Variants in NLGN1 observed in about 807,000 individuals in gnomAD.
The protein encoded by NLGN1 is neuroligin 1.
Under a neutral mutation model 65.5 loss-of-function variants are expected in NLGN1, and 12 were observed. That is an observed-to-expected ratio of 0.18 (90% CI 0.12 to 0.30). The LOEUF (loss-of-function observed/expected upper bound fraction) is 0.30, where lower values mean the gene tolerates loss of function less well. Among genes scored for constraint, NLGN1 ranks in the 10% least tolerant of loss-of-function variants. NLGN1 has a pLI of 1.00. For synonymous variants in NLGN1, 350 were observed against 359.5 expected (o/e 0.97, Z 0.30); for missense variants, 750 against 1,007.1 (o/e 0.74, Z 3.46).
At chr3:173,800,030 T>G (rs1057301667) in intron 3 of NLGN1, among the ~76,000 whole-genome samples, 3 of 149,654 alleles carry the variant, frequency 2.0e-5, no homozygotes, top group Non-Finnish European at 4.5e-5. Context: ...TAAAAGTCTT[T>G]GCTCATGACT....
chr3:173,726,026 A>T (rs1771708361), intron 3 of NLGN1, among the ~76,000 whole-genome samples: 1 of 152,050 alleles, frequency 6.6e-6, no homozygotes, highest in Non-Finnish European at 1.5e-5. Context: ...ATGTAACATA[A>T]ATTATAATAG....
chr3:174,070,926 G>T (rs1313474543), intron 4 of NLGN1, among the ~76,000 whole-genome samples: 1 of 152,074 alleles, frequency 6.6e-6, no homozygotes, highest in Non-Finnish European at 1.5e-5. Context: ...TGTGGTAGAT[G>T]CACATGTGGT....
intron 4 of NLGN1, among the ~76,000 whole-genome samples, chr3:174,150,319 C>T (rs1724091129): frequency 6.6e-6 from 1 of 152,070 alleles, no homozygotes; most frequent in African/African-American, 2.4e-5. Flanking sequence ...TGTTACAAAA[C>T]CACAAATATT....
intron 3 of NLGN1, among the ~76,000 whole-genome samples, chr3:173,789,395 A>G (rs1234894224): frequency 6.6e-6 from 1 of 152,178 alleles, no homozygotes; most frequent in Non-Finnish European, 1.5e-5. Flanking sequence ...CTTAATGCCT[A>G]TTACATTAAA....
intron 4 of NLGN1, among the ~76,000 whole-genome samples, chr3:174,134,005 C>A (rs1252575918): frequency 6.6e-6 from 1 of 151,594 alleles, no homozygotes; most frequent in Non-Finnish European, 1.5e-5. Flanking sequence ...AGCTTTAAAG[C>A]CACTGCTAAT....
intron 3 of NLGN1, among the ~76,000 whole-genome samples, chr3:173,757,905 C>A (rs2150190975): frequency 6.6e-6 from 1 of 152,006 alleles, no homozygotes; most frequent in South Asian, 2.1e-4. Context: ...TATAACAGTG[C>A]CCAAATTTTA....
chr3:173,707,524 T>G (rs566929325), intron 3 of NLGN1, among the ~76,000 whole-genome samples: 1 of 151,978 alleles, frequency 6.6e-6, no homozygotes, highest in African/African-American at 2.4e-5. Context: ...TTATTACAAA[T>G]AAGATTTCTG....
intron 2 of NLGN1, among the ~76,000 whole-genome samples, chr3:173,449,399 C>A (rs1365689416): frequency 2.0e-5 from 3 of 152,058 alleles, no homozygotes; most frequent in Admixed American, 6.5e-5. Flanking sequence ...ATCCTGAGTT[C>A]TAGTTTGATT....
intron 4 of NLGN1, among the ~76,000 whole-genome samples, chr3:173,946,903 T>C (rs899369877): frequency 6.6e-6 from 1 of 152,206 alleles, no homozygotes; most frequent in Non-Finnish European, 1.5e-5. Context: ...GTATCATGTT[T>C]AAGTGAGGGC....
At chr3:173,730,943 C>T (rs111684413) in intron 3 of NLGN1, among the ~76,000 whole-genome samples, 31 of 152,058 alleles carry the variant, frequency 2.0e-4, no homozygotes, top group African/African-American at 5.1e-4. Context: ...AGAAAGCAAA[C>T]GTATCAATCT....
chr3:173,852,307 G>T (rs1274723403), intron 4 of NLGN1, among the ~76,000 whole-genome samples: 12 of 124,578 alleles, frequency 9.6e-5, no homozygotes, highest in Non-Finnish European at 1.9e-4. Context: ...AGTGAGCCGA[G>T]ATCGCGCCAC....
chr3:173,798,009 TAGA>T (rs1330913551), intron 3 of NLGN1, among the ~76,000 whole-genome samples: 4 of 151,976 alleles, frequency 2.6e-5, no homozygotes, highest in Non-Finnish European at 5.9e-5. Context: ...TTGGGTACCC[TAGA>T]AGGGGAAAGA....
intron 4 of NLGN1, among the ~76,000 whole-genome samples, chr3:174,105,027 A>T (rs1374954554): frequency 6.6e-6 from 1 of 152,172 alleles, no homozygotes; most frequent in Non-Finnish European, 1.5e-5. Flanking sequence ...AGCAGCAAAC[A>T]TGGAAAAGAA....
rs930566387 is a variant in NLGN1, at chr3:173,886,546, G to A, written c.646+78714G>A. ...GGGGGCAAATGCAAGCATCTGTTTG[G>A]TTCTCAGGATTCCTACAGCTCTTAA... On this transcript the variant is annotated intron_variant, in intron 4 of 6. Coordinates refer to ENST00000457714, the Ensembl canonical transcript of NLGN1. 1.1e-4 allele frequency among the ~76,000 whole-genome samples: 17 copies of A among 152,082 alleles called. 1 individual carries two copies. The South Asian group carries it at 1.7e-3, about 15-fold the overall frequency.
At chr3:173,461,089 A>C (rs1424336848) in intron 2 of NLGN1, among the ~76,000 whole-genome samples, 3 of 152,154 alleles carry the variant, frequency 2.0e-5, no homozygotes, top group Non-Finnish European at 2.9e-5. Flanking sequence ...GGTCTATTAT[A>C]AGCAAGGCAG....
At chr3:173,509,769 A>T (rs1236986282) in intron 2 of NLGN1, among the ~76,000 whole-genome samples, 1 of 152,230 alleles carries the variant, frequency 6.6e-6, no homozygotes, top group Non-Finnish European at 1.5e-5. Context: ...ATTTGGGAAC[A>T]TCAAAAATTA....
In NLGN1 at chr3:173,796,285, TC is replaced by T. The variant is rs570778689; in HGVS notation, c.494-11393del. ...ATTATTTCAGAGCTCATAATTATTC[TC>T]CTGTTAACTACAGAGAAACGCTGAT... On this transcript the variant is annotated intron_variant, in intron 3 of 6. Transcript: ENST00000457714. Among the ~76,000 whole-genome samples, 269 of 152,262 alleles carry T rather than the reference TC, an allele frequency of 1.8e-3. 3 individuals carry two copies. The highest frequency in any genetic ancestry group is 6.2e-3 in the African/African-American group (258 of 41,564).
chr3:173,533,668 T>C (rs755702169), intron 2 of NLGN1, among the ~76,000 whole-genome samples: 1 of 151,910 alleles, frequency 6.6e-6, no homozygotes, highest in Admixed American at 6.6e-5. Flanking sequence ...CAATTACGTA[T>C]AGAAGCAAGG....
At chr3:173,895,557 A>G (rs188851297) in intron 4 of NLGN1, among the ~76,000 whole-genome samples, 40 of 152,320 alleles carry the variant, frequency 2.6e-4, no homozygotes, top group Admixed American at 3.3e-4. Context: ...CTTTTATTCT[A>G]TGTTACCAGG....
Sources: allele counts gnomAD v4.1 joint callset (sites outside exome capture counted in the v4.1 genomes callset), GRCh38; gene constraint gnomAD v4.1.1; transcripts MANE v1.5; gene names NCBI Gene and HGNC (gene_info 2026-07-23, HGNC 2026-07-21).